The following PDCD1LG2 variants were observed in gnomAD, a reference collection of about 807,000 sequenced individuals.
PDCD1LG2 encodes B7 dendritic cell molecule.
PDCD1LG2 carries 32 observed loss-of-function variants against 28.2 expected under a neutral mutation model. The ratio of observed to expected loss-of-function variants is 1.13; its 90% CI spans 0.86 to 1.52. The LOEUF (loss-of-function observed/expected upper bound fraction) is 1.52, where lower values mean the gene tolerates loss of function less well. Among genes scored for constraint, PDCD1LG2 ranks in the 40% most tolerant of loss-of-function variants. The probability of loss-of-function intolerance (pLI) is 0.00; values close to 1 mark genes in which losing one functional copy is unlikely to be tolerated. For synonymous variants in PDCD1LG2, 116 were observed against 120.2 expected (o/e 0.97, Z 0.23); for missense variants, 385 against 323.8 (o/e 1.19, Z -1.45).
At chr9:5,541,128 A>G (rs1820679134) in intron 3 of PDCD1LG2, among the ~76,000 whole-genome samples, 3 of 152,212 alleles carry the variant, frequency 2.0e-5, no homozygotes. Context: ...GATCATCTCA[A>G]TAGATTCAGA....
At chr9:5,537,170 T>C (rs1031817211) in intron 3 of PDCD1LG2, among the ~76,000 whole-genome samples, 1 of 152,242 alleles carries the variant, frequency 6.6e-6, no homozygotes, top group African/African-American at 2.4e-5. Flanking sequence ...GGTCAAAGAA[T>C]GAAATGGCAT....
intron 2 of PDCD1LG2, among the ~76,000 whole-genome samples, chr9:5,529,627 A>G (rs1270361169): frequency 6.6e-6 from 1 of 152,142 alleles, no homozygotes; most frequent in African/African-American, 2.4e-5. Context: ...TCTTAGAGGA[A>G]AGAGCCACCC....
chr9:5,552,144 A>G (rs1029360538), intron 4 of PDCD1LG2, among the ~76,000 whole-genome samples: 3 of 152,198 alleles, frequency 2.0e-5, no homozygotes, highest in African/African-American at 7.2e-5. Flanking sequence ...TTATCACTGG[A>G]TATGGAAGTA....
At chr9:5,558,029 C>G (rs1226837059) in intron 5 of PDCD1LG2, among the ~76,000 whole-genome samples, 1 of 152,220 alleles carries the variant, frequency 6.6e-6, no homozygotes, top group African/African-American at 2.4e-5. Flanking sequence ...CTTTCATCAG[C>G]CTCATGAGAG....
chr9:5,545,949 A>C (rs1816197503), intron 3 of PDCD1LG2, among the ~76,000 whole-genome samples: 1 of 152,170 alleles, frequency 6.6e-6, no homozygotes, highest in Admixed American at 6.5e-5. Context: ...CTTAAATTCT[A>C]AAATTTACTC....
chr9:5,563,035 C>T (rs977339895), intron 5 of PDCD1LG2, 127 bp from the exon 6 acceptor site: 2 of 765,888 alleles, frequency 2.6e-6, no homozygotes, highest in African/African-American at 1.8e-5. Flanking sequence ...TCCCAGGCCA[C>T]AGTGAACATT....
chr9:5,538,604 C>T (rs973736443), intron 3 of PDCD1LG2, among the ~76,000 whole-genome samples: 4 of 151,574 alleles, frequency 2.6e-5, no homozygotes, highest in African/African-American at 9.7e-5. Flanking sequence ...AGGAGAATGG[C>T]GTTAAGCCGG....
At chr9:5,527,997 G>T (rs994018363) in intron 2 of PDCD1LG2, among the ~76,000 whole-genome samples, 9 of 151,504 alleles carry the variant, frequency 5.9e-5, no homozygotes, top group Admixed American at 5.9e-4. Flanking sequence ...CCCTTCTTTT[G>T]TTTTGTATTT....
intron 5 of PDCD1LG2, among the ~76,000 whole-genome samples, chr9:5,562,671 A>G: frequency 6.6e-6 from 1 of 152,158 alleles, no homozygotes; most frequent in East Asian, 1.9e-4. Flanking sequence ...AAGATGTGAA[A>G]TCAAGGAAAC....
At chr9:5,536,697 T>G (rs1340647126) in intron 3 of PDCD1LG2, among the ~76,000 whole-genome samples, 1 of 152,184 alleles carries the variant, frequency 6.6e-6, no homozygotes, top group Non-Finnish European at 1.5e-5. Context: ...CTTACCTAGA[T>G]CAGGGATTTC....
At chr9:5,547,846 G>C (rs1026017022) in intron 3 of PDCD1LG2, among the ~76,000 whole-genome samples, 1 of 151,108 alleles carries the variant, frequency 6.6e-6, no homozygotes, top group Non-Finnish European at 1.5e-5. Context: ...GCTGAGGCAG[G>C]AGAATTGCTT....
At chr9:5,544,510 C>G (rs1271604608) in intron 3 of PDCD1LG2, among the ~76,000 whole-genome samples, 1 of 152,164 alleles carries the variant, frequency 6.6e-6, no homozygotes, top group Admixed American at 6.5e-5. Context: ...TTCCTATTGG[C>G]TGTCACGTTC....
intron 1 of PDCD1LG2, among the ~76,000 whole-genome samples, chr9:5,516,256 T>C (rs1029416030): frequency 3.3e-5 from 5 of 152,194 alleles, no homozygotes; most frequent in Admixed American, 2.0e-4. Flanking sequence ...TTTCGCCATG[T>C]TGGCCAGGCT....
intron 2 of PDCD1LG2, among the ~76,000 whole-genome samples, chr9:5,525,775 A>T (rs12348448): frequency 6.6e-6 from 1 of 151,944 alleles, no homozygotes; most frequent in East Asian, 1.9e-4. Flanking sequence ...GAGGCCGGGC[A>T]TGGTGGCTCA....
intron 3 of PDCD1LG2, among the ~76,000 whole-genome samples, chr9:5,540,884 A>G (rs981135671): frequency 1.3e-5 from 2 of 152,204 alleles, no homozygotes; most frequent in Non-Finnish European, 1.5e-5. Flanking sequence ...GCACCCTAAT[A>G]CAAAAACCAG....
At chr9:5,511,403 A>G (rs1820054176) in intron 1 of PDCD1LG2, among the ~76,000 whole-genome samples, 1 of 152,252 alleles carries the variant, frequency 6.6e-6, no homozygotes, top group African/African-American at 2.4e-5. Context: ...CAGAACTGAA[A>G]TAATTGCTAT....
At chr9:5,522,764 G>T (rs1425100201) in intron 2 of PDCD1LG2, among the ~76,000 whole-genome samples, 163 bp downstream of exon 2, 1 of 152,030 alleles carries the variant, frequency 6.6e-6, no homozygotes, top group Admixed American at 6.6e-5. Context: ...AGTCCCCATG[G>T]TGGCTTATAC....
In PDCD1LG2 at chr9:5,569,855, T is replaced by G; in HGVS notation, c.817-99T>G. On this transcript the variant is annotated intron_variant, in intron 6 of 6. Coordinates refer to ENST00000397747, the MANE Select transcript of PDCD1LG2 (RefSeq NM_025239.4). The surrounding 1 kb of genome is among the most constrained non-coding windows in gnomAD (Gnocchi z 4.1). ...CCATGCGGCTTCCAGCTAGATGAAC[T>G]TTTTTAAAAAAATTAGTTCCTCACT... 7.8e-7 allele frequency: 1 copy of G among 1,288,108 alleles called. No individual in the cohort carries two copies. The highest frequency in any genetic ancestry group is 1.1e-6 in the Non-Finnish European group (1 of 895,886). The allele number at this position is 1,288,108 out of a possible 1,614,324, so 79.8% of individuals were successfully genotyped here.
intron 1 of PDCD1LG2, among the ~76,000 whole-genome samples, chr9:5,512,083 G>A (rs1820071364): frequency 6.6e-6 from 1 of 152,240 alleles, no homozygotes. Context: ...AGTATTATGG[G>A]TCATGCTTCA....
Sources: gnomAD v4.1 joint callset for allele counts (sites outside exome capture counted in the v4.1 genomes callset) on GRCh38, gnomAD v4.1.1 for gene constraint, Gnocchi (gnomAD v3.1) non-coding constraint, MANE v1.5 for transcripts, NCBI Gene and HGNC (gene_info 2026-07-23, HGNC 2026-07-21) for gene names.